SNCAIP: variants seen among roughly 807,000 people sequenced by gnomAD.
The protein encoded by SNCAIP is synuclein alpha interacting protein.
SNCAIP carries 43 observed loss-of-function variants against 86.7 expected under a neutral mutation model. That is an observed-to-expected ratio of 0.50 (90% confidence interval 0.39 to 0.64). The LOEUF is 0.64. Among genes scored for constraint, SNCAIP ranks in the 30% least tolerant of loss-of-function variants. The pLI is 0.00. For missense variants in SNCAIP, 981 were observed against 1,103.1 expected, an observed-to-expected ratio of 0.89 and a Z score of 1.57; for synonymous variants, 417 against 427.2, an observed-to-expected ratio of 0.98 and a Z score of 0.29.
chr5:122,451,804 A>G, intron 10 of SNCAIP: 1 of 552,992 alleles, frequency 1.8e-6, no homozygotes, highest in Non-Finnish European at 3.2e-6. Flanking sequence ...TTTGGAAAAT[A>G]CTCTAAGAGA....
intron 1 of SNCAIP, among the ~76,000 whole-genome samples, chr5:122,388,383 C>A (rs938010771): frequency 6.6e-6 from 1 of 152,040 alleles, no homozygotes; most frequent in African/African-American, 2.4e-5. Context: ...AGCATGTTTG[C>A]CATGGGTCTG....
At chr5:122,446,290 T>G (rs1782298260) in intron 8 of SNCAIP, among the ~76,000 whole-genome samples, 1 of 152,248 alleles carries the variant, frequency 6.6e-6, no homozygotes, top group Admixed American at 6.5e-5. Flanking sequence ...GCTATACTAA[T>G]GTCCACTCCC....
In SNCAIP at chr5:122,460,547, G is replaced by A. The variant is rs552425011; in HGVS notation, c.2755-2944G>A. ...CCTCTCTTTCCTATCTCTCACACACGCACCTACACACATGCACACATTCCT... is the reference window on the plus strand; with the variant it reads ...CCTCTCTTTCCTATCTCTCACACACACACCTACACACATGCACACATTCCT... On this transcript the variant is annotated intron_variant, in intron 10 of 10. Coordinates refer to ENST00000261368, the MANE Select transcript of SNCAIP (RefSeq NM_005460.4). Among the ~76,000 whole-genome samples, 4 of 151,626 alleles carry A rather than the reference G, an allele frequency of 2.6e-5. No individual in the cohort carries two copies. The South Asian group carries it at 6.3e-4, about 24-fold the overall frequency.
At chr5:122,401,427 T>G (rs181231211) in intron 2 of SNCAIP, among the ~76,000 whole-genome samples, 2 of 152,294 alleles carry the variant, frequency 1.3e-5, no homozygotes, top group African/African-American at 4.8e-5. Flanking sequence ...CTGAAACAGA[T>G]CCACAAATTG....
chr5:122,453,430 C>A (rs902984339), intron 10 of SNCAIP, among the ~76,000 whole-genome samples: 2 of 152,154 alleles, frequency 1.3e-5, no homozygotes, highest in African/African-American at 4.8e-5. Flanking sequence ...CTTTTATTAC[C>A]ATTTTGCTGA....
chr5:122,453,566 C>T (rs372556509), intron 10 of SNCAIP, among the ~76,000 whole-genome samples: 3 of 152,092 alleles, frequency 2.0e-5, no homozygotes, highest in African/African-American at 4.8e-5. Flanking sequence ...TCAAATAAGA[C>T]GTTTACAATT....
At chr5:122,435,559 A>G (rs185882589) in intron 6 of SNCAIP, among the ~76,000 whole-genome samples, 1 of 152,300 alleles carries the variant, frequency 6.6e-6, no homozygotes, top group African/African-American at 2.4e-5. Flanking sequence ...AGATTCTTCT[A>G]CGAAAACAAC....
intron 3 of SNCAIP, among the ~76,000 whole-genome samples, chr5:122,421,500 A>G (rs1172443045): frequency 1.3e-5 from 2 of 152,224 alleles, no homozygotes; most frequent in Non-Finnish European, 2.9e-5. Flanking sequence ...AATCAGTCAT[A>G]GCCAGAGGCT....
At chr5:122,391,252 A>G (rs1373120371) in intron 2 of SNCAIP, 61 bp downstream of exon 2, 2 of 1,168,398 alleles carry the variant, frequency 1.7e-6, no homozygotes, top group Non-Finnish European at 2.6e-6. Context: ...TTCATAGCCT[A>G]CTTTCTCCAT....
At chr5:122,318,474 G>A (rs916104146) in intron 1 of SNCAIP, among the ~76,000 whole-genome samples, 5 of 152,072 alleles carry the variant, frequency 3.3e-5, no homozygotes, top group African/African-American at 1.2e-4. Context: ...TGCACATCCT[G>A]TGCTCAGTAC....
chr5:122,373,502 G>A (rs989938596), intron 1 of SNCAIP, among the ~76,000 whole-genome samples: 4 of 152,092 alleles, frequency 2.6e-5, no homozygotes, highest in South Asian at 2.1e-4. Flanking sequence ...ATAACAATTC[G>A]GCATTTACCA....
At chr5:122,458,698 A>T (rs1785387804) in intron 10 of SNCAIP, among the ~76,000 whole-genome samples, 1 of 152,060 alleles carries the variant, frequency 6.6e-6, no homozygotes, top group Admixed American at 6.6e-5. Context: ...TGGCCGGGCC[A>T]CTCTGCAAAT....
chr5:122,412,532 C>T (rs1208285910), intron 3 of SNCAIP, among the ~76,000 whole-genome samples: 2 of 152,162 alleles, frequency 1.3e-5, no homozygotes, highest in Admixed American at 6.5e-5. Flanking sequence ...TCTTAGTCTT[C>T]CTTTGCAACT....
At chr5:122,385,950 A>G (rs1373841111) in intron 1 of SNCAIP, among the ~76,000 whole-genome samples, 1 of 152,208 alleles carries the variant, frequency 6.6e-6, no homozygotes. Context: ...AATGAGTCCA[A>G]GCTGACTCCT....
chr5:122,463,551 A>C lies in SNCAIP; in HGVS notation c.*55A>C. 2 of 1,599,908 alleles carry C rather than the reference A, an allele frequency of 1.3e-6. No individual in the cohort carries two copies. Among genetic ancestry groups the C allele is most frequent in the Non-Finnish European group, 1.7e-6 (2 of 1,169,284 alleles). ...ACAGCATAAAGCACATTGCTGAGCC[A>C]GAGTCAAAAGAACTCTTCTTGTAAA... On this transcript the variant is annotated 3_prime_UTR_variant, in exon 11 of 11. Coordinates refer to ENST00000261368, the MANE Select transcript of SNCAIP (RefSeq NM_005460.4).
At chr5:122,318,517 TTAAA>T (rs1752271393) in intron 1 of SNCAIP, among the ~76,000 whole-genome samples, 1 of 152,206 alleles carries the variant, frequency 6.6e-6, no homozygotes, top group Admixed American at 6.5e-5. Context: ...TCAAAAATTT[TTAAA>T]TAAATGAGAG....
chr5:122,420,789 TATAAAAG>T (rs1776222892), intron 3 of SNCAIP, among the ~76,000 whole-genome samples: 1 of 152,210 alleles, frequency 6.6e-6, no homozygotes, highest in Non-Finnish European at 1.5e-5. Context: ...GAAAAGTTCA[TATAAAAG>T]ATAGAAAACT....
At chr5:122,387,579 G>A (rs1286991828) in intron 1 of SNCAIP, among the ~76,000 whole-genome samples, 1 of 152,222 alleles carries the variant, frequency 6.6e-6, no homozygotes, top group Non-Finnish European at 1.5e-5. Flanking sequence ...GCTGGTTTGG[G>A]CCAGACAGAG....
chr5:122,394,359 G>T (rs1306367307), intron 2 of SNCAIP, among the ~76,000 whole-genome samples: 1 of 152,110 alleles, frequency 6.6e-6, no homozygotes, highest in African/African-American at 2.4e-5. Flanking sequence ...AAAACAACTA[G>T]AACTTATTTT....
Sources: allele counts gnomAD v4.1 joint callset (sites outside exome capture counted in the v4.1 genomes callset), GRCh38; gene constraint gnomAD v4.1.1; transcripts MANE v1.5; gene names NCBI Gene and HGNC (gene_info 2026-07-23, HGNC 2026-07-21).